The following PTPRD variants were observed in gnomAD, a reference collection of about 807,000 sequenced individuals.
PTPRD encodes protein tyrosine phosphatase receptor type D, also known as receptor-type tyrosine-protein phosphatase delta.
PTPRD carries 34 observed loss-of-function variants against 214.5 expected under a neutral mutation model. The observed-to-expected ratio is 0.16, with a 90% CI of 0.12 to 0.21. PTPRD has a LOEUF of 0.21. Among genes scored for constraint, PTPRD ranks in the 10% least tolerant of loss-of-function variants. The pLI is 1.00. For synonymous variants in PTPRD, 1,128 were observed against 845.7 expected (o/e 1.33, Z -5.79); for missense variants, 2,545 against 2,398.7 (o/e 1.06, Z -1.27).
rs1554641959 is a variant in PTPRD, at chr9:8,496,211, A to ACACACACAAAC, written c.2349+1030_2349+1031insGTTTGTGTGTG. Among the ~76,000 whole-genome samples the ACACACACAAAC allele has an allele frequency of 2.3e-3, 210 of 91,498 alleles. 1 individual carries two copies. The highest frequency in any genetic ancestry group is 7.4e-3 in the African/African-American group (205 of 27,598). The allele number at this position is 91,498 out of a possible 152,430, so 60.0% of individuals were successfully genotyped here. ...ACACACACACACACACACACACACA[A>ACACACACAAAC]ACACACACACACACACACACTTTTT... is the stretch of plus-strand genomic sequence containing the variant. On this transcript the variant is annotated intron_variant, in intron 26 of 45. Transcript: ENST00000381196.
At chr9:8,801,310 T>C (rs1426978095) in intron 11 of PTPRD, among the ~76,000 whole-genome samples, 3 of 152,216 alleles carry the variant, frequency 2.0e-5, no homozygotes, top group South Asian at 2.1e-4. Flanking sequence ...TTTGGCATCA[T>C]CTGATGGAAT....
intron 44 of PTPRD, among the ~76,000 whole-genome samples, chr9:8,331,298 G>T (rs912421428): frequency 6.6e-6 from 1 of 152,104 alleles, no homozygotes; most frequent in African/African-American, 2.4e-5. Context: ...ATTACTAGGG[G>T]AGGTACCAAC....
intron 8 of PTPRD, among the ~76,000 whole-genome samples, chr9:9,410,252 T>A (rs1416596024): frequency 6.6e-6 from 1 of 152,176 alleles, no homozygotes; most frequent in African/African-American, 2.4e-5. Context: ...TGAAATTCAG[T>A]ACACAGCTTT....
At chr9:9,085,798 G>A (rs900918119) in intron 10 of PTPRD, among the ~76,000 whole-genome samples, 1 of 151,844 alleles carries the variant, frequency 6.6e-6, no homozygotes, top group Non-Finnish European at 1.5e-5. Context: ...TTTATATATT[G>A]TGTACTACCA....
chr9:8,503,260 C>CA (rs2097455418), intron 23 of PTPRD, among the ~76,000 whole-genome samples: 1 of 151,938 alleles, frequency 6.6e-6, no homozygotes, highest in South Asian at 2.1e-4. Flanking sequence ...TTTTAAATCA[C>CA]AAATTTCATG....
chr9:9,885,007 G>T (rs114192639), intron 5 of PTPRD, among the ~76,000 whole-genome samples: 2,459 of 152,092 alleles, frequency 0.016, 68 homozygotes, highest in African/African-American at 0.056. Flanking sequence ...CAAAGAAAAC[G>T]TTATTGGCAT....
intron 10 of PTPRD, among the ~76,000 whole-genome samples, chr9:9,033,296 C>G (rs1352331294): frequency 1.3e-5 from 2 of 152,046 alleles, no homozygotes; most frequent in Non-Finnish European, 2.9e-5. Flanking sequence ...ATATATGATC[C>G]AAAGTCTCAT....
At chr9:8,609,193 C>T (rs2095351345) in intron 14 of PTPRD, among the ~76,000 whole-genome samples, 1 of 152,168 alleles carries the variant, frequency 6.6e-6, no homozygotes, top group Non-Finnish European at 1.5e-5. Context: ...AGCTGATATT[C>T]CGGGAAGATG....
In PTPRD at chr9:8,614,670, G is replaced by A. The variant is rs140678627; in HGVS notation, c.352+18647C>T. On this transcript the variant is annotated intron_variant, in intron 14 of 45. Coordinates refer to ENST00000381196, the MANE Select transcript of PTPRD (RefSeq NM_002839.4). ...GCAAGAAATAAGAGGGCATATAAGG[G>A]ATCTGGCACATTGGGATCTTGGACC... Among the ~76,000 whole-genome samples, 648 of 152,152 alleles carry A rather than the reference G, an allele frequency of 4.3e-3. 3 individuals carry two copies. The highest frequency in any genetic ancestry group is 0.015 in the African/African-American group (615 of 41,532).
intron 3 of PTPRD, among the ~76,000 whole-genome samples, chr9:10,316,145 ATATGTATATATGTATATC>A (rs2096417519): frequency 1.4e-5 from 2 of 140,554 alleles, no homozygotes; most frequent in African/African-American, 2.8e-5. Context: ...ATACACATAC[ATATGTATATATGTATATC>A]TATGTATATA....
At chr9:9,713,159 T>C (rs947406200) in intron 7 of PTPRD, among the ~76,000 whole-genome samples, 4 of 152,170 alleles carry the variant, frequency 2.6e-5, no homozygotes, top group South Asian at 2.1e-4. Flanking sequence ...ATAATCACAG[T>C]CTTGCAGCTT....
chr9:9,974,808 G>C (rs1479030222), intron 4 of PTPRD, among the ~76,000 whole-genome samples: 1 of 152,124 alleles, frequency 6.6e-6, no homozygotes. Flanking sequence ...TGTTGACACA[G>C]TAAATATTCG....
At chr9:10,471,065 C>T (rs1055313684) in intron 2 of PTPRD, among the ~76,000 whole-genome samples, 4 of 152,006 alleles carry the variant, frequency 2.6e-5, no homozygotes, top group South Asian at 2.1e-4. Context: ...AAACACCACA[C>T]GTTCTCACTT....
chr9:10,538,035 T>C (rs2058243228), intron 2 of PTPRD, among the ~76,000 whole-genome samples: 2 of 152,202 alleles, frequency 1.3e-5, no homozygotes, highest in South Asian at 2.1e-4. Context: ...AGCTCCTTGA[T>C]GTCAGACAGA....
intron 2 of PTPRD, among the ~76,000 whole-genome samples, chr9:10,465,956 T>C (rs2098990510): frequency 6.6e-6 from 1 of 152,114 alleles, no homozygotes; most frequent in South Asian, 2.1e-4. Flanking sequence ...TTTAGGAAAA[T>C]TTCAAATACA....
chr9:8,360,813 A>T (rs1167173335), intron 39 of PTPRD, among the ~76,000 whole-genome samples: 1 of 152,140 alleles, frequency 6.6e-6, no homozygotes, highest in Admixed American at 6.5e-5. Flanking sequence ...GGGGGGACAA[A>T]TAGTTCTATA....
chr9:10,135,954 AAAT>A (rs1202931496), intron 3 of PTPRD, among the ~76,000 whole-genome samples: 1 of 151,666 alleles, frequency 6.6e-6, no homozygotes, highest in East Asian at 1.9e-4. Context: ...AAAAAAAAAA[AAAT>A]AAGGCCCAAC....
intron 4 of PTPRD, among the ~76,000 whole-genome samples, chr9:9,961,607 T>G (rs2094369475): frequency 6.6e-6 from 1 of 152,220 alleles, no homozygotes; most frequent in East Asian, 1.9e-4. Flanking sequence ...GCCCTTACAG[T>G]GATTACTTGA....
chr9:10,092,344 T>C (rs1425057902), intron 3 of PTPRD, among the ~76,000 whole-genome samples: 1 of 151,420 alleles, frequency 6.6e-6, no homozygotes, highest in Non-Finnish European at 1.5e-5. Context: ...AAGGTGATAA[T>C]GCCTAACTTG....
Sources: allele counts gnomAD v4.1 joint callset (sites outside exome capture counted in the v4.1 genomes callset), GRCh38; gene constraint gnomAD v4.1.1; transcripts MANE v1.5; gene names NCBI Gene and HGNC (gene_info 2026-07-23, HGNC 2026-07-21).